Variants in KANSL1L observed in about 807,000 individuals in gnomAD.
The protein encoded by KANSL1L is KAT8 regulatory NSL complex subunit 1-like protein.
Under a neutral mutation model 108.6 loss-of-function variants are expected in KANSL1L, and 25 were observed. The observed-to-expected ratio is 0.23, with a 90% CI of 0.17 to 0.32. The LOEUF is 0.32. Ranked by LOEUF, KANSL1L falls within the 10% of genes least tolerant of loss-of-function variation. The pLI, the probability that KANSL1L is intolerant of heterozygous loss-of-function variation, is 1.00. For synonymous variants in KANSL1L, 405 were observed against 395.1 expected (o/e 1.03, Z -0.30); for missense variants, 1,137 against 1,125.7 (o/e 1.01, Z -0.14).
intron 1 of KANSL1L, among the ~76,000 whole-genome samples, chr2:210,164,855 G>GTT (rs546289634): frequency 1.2e-4 from 16 of 135,106 alleles, no homozygotes; most frequent in South Asian, 2.4e-4. Context: ...TATTTTTTCT[G>GTT]TTTTTTTTTT....
chr2:210,130,939 C>T (rs1175891009), intron 2 of KANSL1L, among the ~76,000 whole-genome samples: 1 of 151,482 alleles, frequency 6.6e-6, no homozygotes, highest in African/African-American at 2.4e-5. Context: ...AAGATGTTAT[C>T]TGTAATAATC....
intron 1 of KANSL1L, among the ~76,000 whole-genome samples, chr2:210,158,333 T>C (rs2125661115): frequency 6.6e-6 from 1 of 152,238 alleles, no homozygotes; most frequent in African/African-American, 2.4e-5. Flanking sequence ...AACCAACATA[T>C]AGCAAAGAAT....
chr2:210,094,265 C>T lies in KANSL1L; in HGVS notation c.1550+3821G>A, dbSNP rs931403442. ...AATACTTATGAGTTTTCTTACCTGC[C>T]CATTTATTATAAATACATAAATAGT... On this transcript the variant is annotated intron_variant, in intron 5 of 14. Transcript: ENST00000281772. Among the ~76,000 whole-genome samples the T allele has an allele frequency of 5.9e-5, 9 of 151,528 alleles. 1 individual carries two copies. Among genetic ancestry groups the T allele is most frequent in the African/African-American group, 2.2e-4 (9 of 41,234 alleles).
intron 6 of KANSL1L, among the ~76,000 whole-genome samples, chr2:210,065,663 G>A (rs1215800696): frequency 6.8e-6 from 1 of 147,916 alleles, no homozygotes; most frequent in Non-Finnish European, 1.5e-5. Context: ...TCGGCTCACG[G>A]CAACCTCCGC....
At chr2:210,054,848 A>G (rs1381366863) in intron 6 of KANSL1L, among the ~76,000 whole-genome samples, 5 of 152,174 alleles carry the variant, frequency 3.3e-5, no homozygotes, top group Non-Finnish European at 7.4e-5. Context: ...AAGAAGAAGA[A>G]GAAAGAAAAT....
chr2:210,124,812 T>C (rs941812375), intron 3 of KANSL1L, among the ~76,000 whole-genome samples: 2 of 152,008 alleles, frequency 1.3e-5, no homozygotes, highest in African/African-American at 4.8e-5. Flanking sequence ...GAAATAAAGC[T>C]GGGGATGTTA....
At chr2:210,138,160 T>G (rs2095191792) in intron 2 of KANSL1L, among the ~76,000 whole-genome samples, 1 of 152,230 alleles carries the variant, frequency 6.6e-6, no homozygotes, top group Non-Finnish European at 1.5e-5. Flanking sequence ...CTGTGATTTT[T>G]TTTTTACAAC....
intron 2 of KANSL1L, among the ~76,000 whole-genome samples, chr2:210,138,879 A>G (rs2095200381): frequency 6.6e-6 from 1 of 151,972 alleles, no homozygotes; most frequent in African/African-American, 2.4e-5. Context: ...CAGATGGATC[A>G]CCTAAGGTCA....
At chr2:210,114,711 GAAACTAA>G (rs1207556127) in intron 3 of KANSL1L, among the ~76,000 whole-genome samples, 4 of 151,832 alleles carry the variant, frequency 2.6e-5, no homozygotes, top group African/African-American at 9.7e-5. Flanking sequence ...CATAATTTAA[GAAACTAA>G]TATATTTAAA....
intron 5 of KANSL1L, among the ~76,000 whole-genome samples, chr2:210,091,775 T>G (rs1335635059): frequency 6.6e-6 from 1 of 152,188 alleles, no homozygotes; most frequent in Non-Finnish European, 1.5e-5. Flanking sequence ...ATTTTATTTG[T>G]TCTTGAACCC....
chr2:210,046,242 T>A (rs1273468781), intron 6 of KANSL1L, among the ~76,000 whole-genome samples: 2 of 152,156 alleles, frequency 1.3e-5, no homozygotes, highest in African/African-American at 4.8e-5. Context: ...GTCTATAGCA[T>A]TGCATCCAAG....
intron 2 of KANSL1L, among the ~76,000 whole-genome samples, chr2:210,150,010 A>C (rs2095291171): frequency 6.6e-6 from 1 of 152,114 alleles, no homozygotes; most frequent in Non-Finnish European, 1.5e-5. Flanking sequence ...GATGAGTTTA[A>C]CCTTAAAACA....
chr2:210,025,687 A>G (rs2093926830), intron 12 of KANSL1L, among the ~76,000 whole-genome samples: 1 of 152,210 alleles, frequency 6.6e-6, no homozygotes, highest in Admixed American at 6.5e-5. Flanking sequence ...TTCCTGTAAA[A>G]GGGGAGTCAA....
intron 6 of KANSL1L, among the ~76,000 whole-genome samples, chr2:210,066,476 G>A (rs561013553): frequency 2.0e-5 from 3 of 152,334 alleles, no homozygotes; most frequent in Admixed American, 1.3e-4. Flanking sequence ...CACTTCTATG[G>A]CAAAGATATA....
At chr2:210,113,386 T>C (rs1399745851) in intron 3 of KANSL1L, among the ~76,000 whole-genome samples, 2 of 152,126 alleles carry the variant, frequency 1.3e-5, no homozygotes, top group Admixed American at 6.6e-5. Flanking sequence ...AGGCTTATTC[T>C]TGCCACACCG....
intron 2 of KANSL1L, among the ~76,000 whole-genome samples, chr2:210,137,714 G>T (rs554836475): frequency 6.6e-6 from 1 of 152,198 alleles, no homozygotes; most frequent in South Asian, 2.1e-4. Flanking sequence ...ATTCCCTGGG[G>T]TGGGAAAATA....
At chr2:210,079,696 GT>G (rs2094573937) in intron 5 of KANSL1L, 1 of 15,806 alleles carries the variant, frequency 6.3e-5, no homozygotes, top group Non-Finnish European at 1.3e-4. Context: ...ATATATGTAT[GT>G]GTGTATATAT....
chr2:210,094,109 T>TA (rs1178246333), intron 5 of KANSL1L, among the ~76,000 whole-genome samples: 2 of 151,816 alleles, frequency 1.3e-5, no homozygotes, highest in African/African-American at 4.8e-5. Context: ...TTTGAGAAAA[T>TA]AAAAAAAATT....
chr2:210,119,679 A>T (rs1359536136), intron 3 of KANSL1L, among the ~76,000 whole-genome samples: 3 of 152,166 alleles, frequency 2.0e-5, no homozygotes, highest in Non-Finnish European at 4.4e-5. Context: ...GTATAAAGGA[A>T]CTTACCTCAA....
Sources: gnomAD v4.1 joint callset for allele counts (sites outside exome capture counted in the v4.1 genomes callset) on GRCh38, gnomAD v4.1.1 for gene constraint, MANE v1.5 for transcripts, NCBI Gene and HGNC (gene_info 2026-07-23, HGNC 2026-07-21) for gene names.